The following SEMA5A variants were observed in gnomAD, a reference collection of about 807,000 sequenced individuals.
SEMA5A encodes the protein semaphorin-5A.
A neutral mutation model predicts 135.5 loss-of-function variants in SEMA5A; 55 were observed. The ratio of observed to expected loss-of-function variants is 0.41; its 90% confidence interval spans 0.33 to 0.51. SEMA5A has a LOEUF of 0.51. SEMA5A is among the 20% of genes least tolerant of loss of function. The probability of loss-of-function intolerance (pLI) is 0.37; values close to 1 mark genes in which losing one functional copy is unlikely to be tolerated. For synonymous variants in SEMA5A, 580 were observed against 546.5 expected, an observed-to-expected ratio of 1.06 and a Z score of -0.85; for missense variants, 1,290 against 1,419.9, an observed-to-expected ratio of 0.91 and a Z score of 1.47.
rs920084262 is a variant in SEMA5A at position 9,442,728 on chromosome 5, T to C, written c.-174-4876A>G. ...AATATATTCCACATTCCCAGAAATA[T>C]ATTAACTATCTAAAATAGATTTTAA... On this transcript the variant is annotated intron_variant, in intron 1 of 22. Coordinates refer to ENST00000382496, the MANE Select transcript of SEMA5A (RefSeq NM_003966.3). 9.2e-5 allele frequency among the ~76,000 whole-genome samples: 14 copies of C among 152,180 alleles called. No individual in the cohort carries two copies. The South Asian group carries it at 1.4e-3, about 16-fold the overall frequency.
At chr5:9,306,283 G>A in intron 5 of SEMA5A, among the ~76,000 whole-genome samples, 1 of 152,110 alleles carries the variant, frequency 6.6e-6, no homozygotes, top group East Asian at 1.9e-4. Context: ...GTGAGTTAGA[G>A]TTTTCAAGGT....
chr5:9,244,914 G>T (rs560450497), intron 5 of SEMA5A, among the ~76,000 whole-genome samples: 2 of 152,100 alleles, frequency 1.3e-5, no homozygotes, highest in East Asian at 1.9e-4. Flanking sequence ...GAATGCATCC[G>T]CTCTGGGAAG....
intron 13 of SEMA5A, among the ~76,000 whole-genome samples, chr5:9,134,839 T>C (rs1023882287): frequency 1.3e-5 from 2 of 152,214 alleles, no homozygotes; most frequent in Admixed American, 1.3e-4. Context: ...TTAAACATTA[T>C]GTTTTATCAA....
intron 11 of SEMA5A, among the ~76,000 whole-genome samples, chr5:9,164,678 C>T (rs1020316505): frequency 3.9e-5 from 6 of 152,104 alleles, no homozygotes; most frequent in Non-Finnish European, 8.8e-5. Flanking sequence ...GTTGGTGCTA[C>T]TGCTTAAAAC....
intron 2 of SEMA5A, among the ~76,000 whole-genome samples, chr5:9,406,160 C>T (rs1756878143): frequency 6.6e-6 from 1 of 152,340 alleles, no homozygotes; most frequent in Non-Finnish European, 1.5e-5. Flanking sequence ...TCAGAGGACT[C>T]CGCATGCACA....
intron 16 of SEMA5A, among the ~76,000 whole-genome samples, chr5:9,072,145 A>C (rs1165225508): frequency 6.6e-6 from 1 of 152,246 alleles, no homozygotes; most frequent in Admixed American, 6.5e-5. Flanking sequence ...AAAAAGTTAT[A>C]TTAAATAATG....
At chr5:9,424,397 G>A (rs1258324346) in intron 2 of SEMA5A, among the ~76,000 whole-genome samples, 1 of 152,188 alleles carries the variant, frequency 6.6e-6, no homozygotes, top group Non-Finnish European at 1.5e-5. Flanking sequence ...TATAGCAAAT[G>A]AAATATTATG....
In SEMA5A at chr5:9,088,659, T is replaced by TATATATATATACACAC; in HGVS notation, c.2073+19480_2073+19481insGTGTGTATATATATAT. Among the ~76,000 whole-genome samples the TATATATATATACACAC allele has an allele frequency of 7.4e-3, 839 of 112,764 alleles. 13 individuals carry two copies. The highest frequency in any genetic ancestry group is 0.012 in the Non-Finnish European group (668 of 57,176). 74.0% of individuals were successfully genotyped at this position (112,764 alleles called of 152,430 possible). A position where few individuals can be genotyped will look rare whatever the true frequency, so the allele number is the denominator to read the frequency against. On this transcript the variant is annotated intron_variant, in intron 16 of 22. Transcript: ENST00000382496. ...TATAATATATATATATATATATATA[T>TATATATATATACACAC]ACACACACACACTCATGGAATTCCA...
In SEMA5A at chr5:9,128,038, A is replaced by C. The variant is rs372908533; in HGVS notation, c.1600-5201T>G. ...GGAACCTGAGAATTTCCACTTTTCC[A>C]AAGAGGCTAAGGTAGGGACACCAGC... On this transcript the variant is annotated intron_variant, in intron 13 of 22. Transcript: ENST00000382496. Among the ~76,000 whole-genome samples the C allele has an allele frequency of 3.3e-4, 50 of 152,354 alleles. 1 individual carries two copies. The East Asian group carries it at 7.7e-3, about 24-fold the overall frequency.
intron 16 of SEMA5A, among the ~76,000 whole-genome samples, chr5:9,091,092 C>T (rs905947896): frequency 6.6e-6 from 1 of 152,166 alleles, no homozygotes; most frequent in Admixed American, 6.5e-5. Flanking sequence ...GAGAAGCTCA[C>T]AGTAAACTCA....
In SEMA5A at chr5:9,404,479, G is replaced by A. The variant is rs142150145; in HGVS notation, c.-77-24456C>T. On this transcript the variant is annotated intron_variant, in intron 2 of 22. Transcript: ENST00000382496. ...AAATAGCACCCATATCGCAGCCTGG[G>A]TGCCCATAATCTTCTAATACCAGTA... 1.9e-3 allele frequency among the ~76,000 whole-genome samples: 283 copies of A among 152,274 alleles called. 1 individual carries two copies. Among genetic ancestry groups the A allele is most frequent in the African/African-American group, 6.6e-3 (274 of 41,566 alleles).
intron 1 of SEMA5A, among the ~76,000 whole-genome samples, chr5:9,452,050 T>G (rs1318562654): frequency 6.6e-6 from 1 of 152,198 alleles, no homozygotes. Flanking sequence ...AAACAGACTC[T>G]TCCTTTCACC....
chr5:9,227,530 AC>A (rs2150423872), intron 6 of SEMA5A, among the ~76,000 whole-genome samples: 3 of 151,418 alleles, frequency 2.0e-5, no homozygotes, highest in African/African-American at 7.3e-5. Flanking sequence ...TATTTTAAAT[AC>A]AAAGCAAGTA....
chr5:9,448,650 C>T (rs906664316), intron 1 of SEMA5A, among the ~76,000 whole-genome samples: 1 of 152,226 alleles, frequency 6.6e-6, no homozygotes, highest in Non-Finnish European at 1.5e-5. Context: ...ATTTATGAAA[C>T]TAAATCCAGA....
intron 2 of SEMA5A, among the ~76,000 whole-genome samples, chr5:9,417,306 G>A (rs1314847067): frequency 6.6e-6 from 1 of 152,142 alleles, no homozygotes; most frequent in East Asian, 1.9e-4. Flanking sequence ...AATTAAATAT[G>A]TGATCCCACT....
intron 5 of SEMA5A, among the ~76,000 whole-genome samples, chr5:9,288,263 A>G (rs1432483038): frequency 6.6e-6 from 1 of 152,214 alleles, no homozygotes; most frequent in East Asian, 1.9e-4. Flanking sequence ...CCCAGTGGCT[A>G]CTAAGGGGCC....
At chr5:9,064,182 G>A (rs1384187398) in intron 17 of SEMA5A, among the ~76,000 whole-genome samples, 1 of 152,148 alleles carries the variant, frequency 6.6e-6, no homozygotes, top group Non-Finnish European at 1.5e-5. Context: ...GTATTCTGTG[G>A]TGAATCAATA....
At chr5:9,086,530 G>C (rs1408301783) in intron 16 of SEMA5A, among the ~76,000 whole-genome samples, 1 of 152,176 alleles carries the variant, frequency 6.6e-6, no homozygotes, top group Non-Finnish European at 1.5e-5. Context: ...CTTCCACCAT[G>C]ATTGTGATGC....
chr5:9,140,929 G>T (rs180927262), intron 12 of SEMA5A, among the ~76,000 whole-genome samples: 1 of 152,202 alleles, frequency 6.6e-6, no homozygotes, highest in Admixed American at 6.5e-5. Flanking sequence ...CAATGCCACA[G>T]TGTTAGAGGG....
Sources: gnomAD v4.1 joint callset for allele counts (sites outside exome capture counted in the v4.1 genomes callset) on GRCh38, gnomAD v4.1.1 for gene constraint, MANE v1.5 for transcripts, NCBI Gene and HGNC (gene_info 2026-07-23, HGNC 2026-07-21) for gene names.